PLSCR5: variants seen among roughly 807,000 people sequenced by gnomAD.
The protein encoded by PLSCR5 is phospholipid scramblase family member 5.
PLSCR5 carries 44 observed loss-of-function variants against 33.6 expected under a neutral mutation model. That is an observed-to-expected ratio of 1.31 (90% confidence interval 1.03 to 1.69). The LOEUF (loss-of-function observed/expected upper bound fraction) is 1.69, where lower values mean the gene tolerates loss of function less well. PLSCR5 is among the 40% of genes most tolerant of loss of function. PLSCR5 has a pLI of 0.00. For synonymous variants in PLSCR5, 148 were observed against 112.3 expected (o/e 1.32, Z -2.01); for missense variants, 375 against 318.7 (o/e 1.18, Z -1.34).
intron 4 of PLSCR5, among the ~76,000 whole-genome samples, chr3:146,592,340 A>G (rs2044722964): frequency 6.6e-6 from 1 of 152,070 alleles, no homozygotes; most frequent in Admixed American, 6.6e-5. Context: ...AAGCTCCAAG[A>G]TTATCTATAT....
intron 1 of PLSCR5, among the ~76,000 whole-genome samples, chr3:146,604,995 C>A (rs2044852323): frequency 6.6e-6 from 1 of 152,058 alleles, no homozygotes; most frequent in South Asian, 2.1e-4. Flanking sequence ...TCGTTTACAT[C>A]TGAACTTTTA....
intron 1 of PLSCR5, among the ~76,000 whole-genome samples, chr3:146,604,041 A>G (rs1300429436): frequency 6.6e-6 from 1 of 152,110 alleles, no homozygotes; most frequent in Non-Finnish European, 1.5e-5. Context: ...GTGTGTTTTG[A>G]TAAAGGAAGC....
intron 7 of PLSCR5, among the ~76,000 whole-genome samples, chr3:146,580,733 G>A (rs1451727298): frequency 6.6e-6 from 1 of 152,112 alleles, no homozygotes; most frequent in South Asian, 2.1e-4. Flanking sequence ...AAAGTGCTGG[G>A]ATTATAGGCG....
chr3:146,600,504 G>C (rs1378387638), intron 1 of PLSCR5, 41 bp from the exon 2 acceptor site: 5 of 1,493,764 alleles, frequency 3.3e-6, no homozygotes, highest in Non-Finnish European at 4.5e-6. Context: ...TTAAATTTAG[G>C]CCATTTTATT....
At chr3:146,581,267 A>G (rs2044631298), downstream of PLSCR5, among the ~76,000 whole-genome samples, 1 of 152,214 alleles carries the variant, frequency 6.6e-6, no homozygotes, top group South Asian at 2.1e-4. Context: ...CCTTGCCTGA[A>G]CAAGTAATAA....
Position 146,589,661 on chromosome 3 carries a change from A to T in PLSCR5, c.769T>A (p.Phe257Ile). The change falls in exon 6 of 8, where the codon TTT (phenylalanine) becomes ATT (isoleucine). Residue 257 changes from phenylalanine (F) to isoleucine (I), a missense_variant. Coordinates refer to ENST00000443512, the MANE Select transcript of PLSCR5 (RefSeq NM_001085420.2). Reference sequence around the variant, plus strand: ...TCAAAGCCCATACTTACAAAGAGAAAACAGGCACCGATCATTGCTGCTTTG... The same window carrying T: ...TCAAAGCCCATACTTACAAAGAGAATACAGGCACCGATCATTGCTGCTTTG... ...TVKAAMIGACFLFDFMFFEHS... is the reference protein window; with the variant it reads ...TVKAAMIGACILFDFMFFEHS... The T allele has an allele frequency of 6.3e-7, 1 of 1,583,944 alleles. No individual in the cohort carries two copies. The highest frequency in any genetic ancestry group is 1.1e-5 in the South Asian group (1 of 87,002).
chr3:146,600,519 C>A, intron 1 of PLSCR5, 56 bp from the exon 2 acceptor site: 1 of 1,433,428 alleles, frequency 7.0e-7, no homozygotes, highest in Non-Finnish European at 9.3e-7. Context: ...TTTATTTAGT[C>A]CTTCTTAAAG....
At chr3:146,587,694 T>C (rs535046264) in intron 6 of PLSCR5, among the ~76,000 whole-genome samples, 1 of 152,098 alleles carries the variant, frequency 6.6e-6, no homozygotes, top group East Asian at 1.9e-4. Flanking sequence ...CTGGTTAGAT[T>C]TGCAGATGAA....
chr3:146,605,113 A>T (rs1046073473), intron 1 of PLSCR5, 87 bp downstream of exon 1: 1 of 1,307,660 alleles, frequency 7.6e-7, no homozygotes, highest in African/African-American at 1.5e-5. Context: ...TTAAAGTACC[A>T]ATCTAACTGG....
chr3:146,580,872 T>C (rs1460236185), downstream of PLSCR5, among the ~76,000 whole-genome samples: 1 of 152,230 alleles, frequency 6.6e-6, no homozygotes. Flanking sequence ...ATTTCTATTT[T>C]GTTACCCTGA....
chr3:146,580,764 G>A (rs924387464), intron 7 of PLSCR5, among the ~76,000 whole-genome samples: 3 of 151,930 alleles, frequency 2.0e-5, no homozygotes, highest in East Asian at 3.9e-4. Context: ...CGCCTGCCCC[G>A]CATTTACTTT....
At position 146,600,279 on chromosome 3, in the gene PLSCR5, T is replaced by C. The variant is rs2044800350; in HGVS notation, c.189+9A>G. On this transcript the variant is annotated intron_variant, in intron 2 of 7. Coordinates refer to ENST00000443512, the MANE Select transcript of PLSCR5 (RefSeq NM_001085420.2). The stretch of plus-strand genomic sequence containing the variant: ...GAACATATCTGTAGTAATAGAAAGA[T>C]AAAAACACCTGGCTTAAATATTCTA... The C allele has an allele frequency of 1.9e-6, 3 of 1,543,434 alleles. No homozygotes were observed. In the East Asian group the frequency reaches 7.1e-5, roughly 37 times the overall value.
chr3:146,581,034 C>G (rs1163110592), downstream of PLSCR5, among the ~76,000 whole-genome samples: 1 of 152,150 alleles, frequency 6.6e-6, no homozygotes, highest in Non-Finnish European at 1.5e-5. Context: ...AAAGTACACA[C>G]ACTCTGAAAG....
intron 4 of PLSCR5, among the ~76,000 whole-genome samples, chr3:146,592,190 A>C (rs1379674006): frequency 2.0e-5 from 3 of 152,028 alleles, no homozygotes; most frequent in African/African-American, 7.2e-5. Context: ...TTTTATCCCA[A>C]GTACAACCAT....
At chr3:146,587,987 C>A (rs1299105927) in intron 6 of PLSCR5, among the ~76,000 whole-genome samples, 1 of 151,832 alleles carries the variant, frequency 6.6e-6, no homozygotes, top group East Asian at 1.9e-4. Flanking sequence ...AGAAGAGACT[C>A]AGTAAATAGG....
At chr3:146,596,348 T>C (rs1044275679) in intron 2 of PLSCR5, among the ~76,000 whole-genome samples, 2 of 152,044 alleles carry the variant, frequency 1.3e-5, no homozygotes, top group Non-Finnish European at 2.9e-5. Context: ...GCCACCATGC[T>C]CGGCTAATTT....
In PLSCR5 at chr3:146,591,743, A is replaced by T. The variant is rs2044716894; in HGVS notation, c.592T>A (p.Cys198Ser). 1.9e-6 allele frequency: 3 copies of T among 1,611,000 alleles called. No homozygotes were observed. Among genetic ancestry groups the T allele is most frequent in the Admixed American group, 3.4e-5 (2 of 59,684 alleles). The stretch of plus-strand genomic sequence containing the variant: ...ACCTCAAAATCCACATCGCCAAAAC[A>T]GCCACATGTCACACAAGGACCAACA... ...KIVGPCVTCG[C>S]FGDVDFEVKT... is the part of the protein sequence containing the mutation. Residue 198 changes from cysteine to serine, a missense_variant, in exon 5 of 8, where the codon TGT becomes AGT. Transcript: ENST00000443512.
Position 146,594,259 on chromosome 3 carries a change from T to A in PLSCR5, c.233-119A>T, listed in dbSNP as rs146966643. On this transcript the variant is annotated intron_variant, in intron 3 of 7. Transcript: ENST00000443512. ...CTGATCAATTATTAAATATATGGTA[T>A]CTTCTTCACACAAATTTATTTCTAT... 5.6e-6 allele frequency: 4 copies of A among 710,344 alleles called. No homozygotes were observed. The South Asian group carries it at 8.2e-5, about 15-fold the overall frequency. 44.0% of individuals were successfully genotyped at this position (710,344 alleles called of 1,614,324 possible). A position where few individuals can be genotyped will look rare whatever the true frequency, so the allele number is the denominator to read the frequency against.
chr3:146,603,206 C>T (rs1360794561), intron 1 of PLSCR5, among the ~76,000 whole-genome samples: 2 of 152,088 alleles, frequency 1.3e-5, no homozygotes, highest in Admixed American at 6.6e-5. Context: ...AATTAGTCTG[C>T]ATTCCCTGGG....
Sources: gnomAD v4.1 joint callset for allele counts (sites outside exome capture counted in the v4.1 genomes callset) on GRCh38, gnomAD v4.1.1 for gene constraint, MANE v1.5 for transcripts, NCBI Gene and HGNC (gene_info 2026-07-23, HGNC 2026-07-21) for gene names.